Variants in OR51B5 observed in about 807,000 individuals in gnomAD.
OR51B5 encodes olfactory receptor family 51 subfamily B member 5.
For missense variants in OR51B5, 456 were observed against 374.6 expected, an observed-to-expected ratio of 1.22 and a Z score of -1.79; for synonymous variants, 186 against 144.8, an observed-to-expected ratio of 1.28 and a Z score of -2.04.
chr11:5,485,609 A>T (rs538881457), intron 1 of OR51B5, among the ~76,000 whole-genome samples: 2 of 152,036 alleles, frequency 1.3e-5, no homozygotes, highest in Admixed American at 6.6e-5. Context: ...TTGCACCCCC[A>T]CTTCTAGTCC....
chr11:5,435,218 A>T (rs1484375937), intron 1 of OR51B5, among the ~76,000 whole-genome samples: 1 of 152,156 alleles, frequency 6.6e-6, no homozygotes. Context: ...AGTGATGGGG[A>T]GTTTATCGCA....
intron 1 of OR51B5, among the ~76,000 whole-genome samples, chr11:5,399,071 A>G (rs1849927271): frequency 6.6e-6 from 1 of 152,222 alleles, no homozygotes; most frequent in African/African-American, 2.4e-5. Context: ...TGGCAGAAGG[A>G]GAGGAATCAC....
intron 1 of OR51B5, among the ~76,000 whole-genome samples, chr11:5,503,474 A>G (rs1846326734): frequency 6.6e-6 from 1 of 152,244 alleles, no homozygotes. Flanking sequence ...AAAAGGAAAG[A>G]CTGCCTATTG....
At chr11:5,409,792 A>G (rs1850116150) in intron 1 of OR51B5, among the ~76,000 whole-genome samples, 1 of 152,196 alleles carries the variant, frequency 6.6e-6, no homozygotes, top group Non-Finnish European at 1.5e-5. Context: ...AAACGCATCA[A>G]TCCATATATC....
At chr11:5,438,914 C>T (rs1227049525) in intron 1 of OR51B5, among the ~76,000 whole-genome samples, 3 of 152,162 alleles carry the variant, frequency 2.0e-5, no homozygotes, top group African/African-American at 4.8e-5. Flanking sequence ...CCAGATTAAA[C>T]ATATCCCATC....
At chr11:5,453,515 T>C in intron 1 of OR51B5, 2 of 1,574,450 alleles carry the variant, frequency 1.3e-6, no homozygotes, top group Non-Finnish European at 1.7e-6. Flanking sequence ...TCACTCACCC[T>C]GCATTCTTCC....
intron 1 of OR51B5, among the ~76,000 whole-genome samples, chr11:5,374,222 G>C (rs530189146): frequency 6.6e-6 from 1 of 152,236 alleles, no homozygotes; most frequent in South Asian, 2.1e-4. Context: ...AGGCAAACAG[G>C]GTCTGGAGTG....
intron 1 of OR51B5, among the ~76,000 whole-genome samples, chr11:5,356,141 G>T (rs11827244): frequency 0.38 from 56,615 of 150,768 alleles, 11,116 homozygotes; most frequent in Non-Finnish European, 0.4. Flanking sequence ...ACTTTGACAA[G>T]TTGAGAGAAG....
rs1337026794 is a variant in OR51B5 at position 5,363,352 on chromosome 11, G to GT, written n.85-16443_85-16442insA. On this transcript the variant is annotated intron_variant and non_coding_transcript_variant, in intron 1 of 4. Transcript: ENST00000415970. The stretch of plus-strand genomic sequence containing the variant: ...CAGTATTGGAATTACAGTTTTTTTT[G>GT]GTTTTTGTTTTTTTTTACTTCAAGC... Among the ~76,000 whole-genome samples the GT allele has an allele frequency of 9.9e-4, 97 of 98,380 alleles. 5 individuals carry two copies. Among genetic ancestry groups the GT allele is most frequent in the South Asian group, 7.5e-3 (22 of 2,942 alleles). The allele number at this position is 98,380 out of a possible 152,430, so 64.5% of individuals were successfully genotyped here. A position where few individuals can be genotyped will look rare whatever the true frequency, so the allele number is the denominator to read the frequency against.
intron 1 of OR51B5, among the ~76,000 whole-genome samples, chr11:5,432,679 A>G (rs1402852774): frequency 6.6e-6 from 1 of 152,212 alleles, no homozygotes; most frequent in Non-Finnish European, 1.5e-5. Context: ...TAAGCAAGAT[A>G]TTACATGGGA....
chr11:5,427,871 TTATGA>T (rs1273369163), intron 1 of OR51B5, among the ~76,000 whole-genome samples: 2 of 152,158 alleles, frequency 1.3e-5, no homozygotes, highest in Admixed American at 6.5e-5. Context: ...TTGCAAAGAA[TTATGA>T]TATGGTGAAT....
intron 1 of OR51B5, among the ~76,000 whole-genome samples, chr11:5,413,384 C>T (rs1241795169): frequency 6.6e-6 from 1 of 152,288 alleles, no homozygotes; most frequent in East Asian, 1.9e-4. Flanking sequence ...AGCACCTCTC[C>T]TCCTCCAAAG....
In OR51B5 at chr11:5,423,141, T is replaced by C. The variant is rs373638475; in HGVS notation, n.85-76231A>G. ...TTAAATTTCCTTTCCCTCAAAAATA[T>C]GCATTCAAGATGAGGGAATGCATTT... is the stretch of plus-strand genomic sequence containing the variant. On this transcript the variant is annotated intron_variant and non_coding_transcript_variant, in intron 1 of 4. Transcript: ENST00000415970. 33 of 1,595,170 alleles carry C rather than the reference T, an allele frequency of 2.1e-5. No homozygotes were observed. The African/African-American group carries it at 3.9e-4, about 19-fold the overall frequency.
Position 5,356,196 on chromosome 11 carries a change from C to CG in OR51B5, n.85-9287dup, listed in dbSNP as rs532689628. 2.4e-4 allele frequency among the ~76,000 whole-genome samples: 36 copies of CG among 152,182 alleles called. No individual in the cohort carries two copies. In the East Asian group the frequency reaches 6.2e-3, roughly 26 times the overall value. ...CTACTCCGAGCTAAAGGAGGAAGCT[C>CG]GAACCCATGGCAAAAAAGTTAAAAA... On this transcript the variant is annotated intron_variant and non_coding_transcript_variant, in intron 1 of 4. Coordinates refer to the OR51B5 transcript ENST00000415970.
chr11:5,468,912 A>G (rs1403795031), intron 1 of OR51B5: 2 of 362,434 alleles, frequency 5.5e-6, no homozygotes, highest in African/African-American at 2.1e-5. Context: ...CTGGCCTTAC[A>G]GAAAGGCAGT....
At chr11:5,488,984 G>T in intron 1 of OR51B5, 1 of 1,614,062 alleles carries the variant, frequency 6.2e-7, no homozygotes, top group Non-Finnish European at 8.5e-7. Context: ...CTCCATGCTG[G>T]TGAGATTTCC....
At chr11:5,439,979 C>T (rs919466946) in intron 1 of OR51B5, among the ~76,000 whole-genome samples, 1 of 152,154 alleles carries the variant, frequency 6.6e-6, no homozygotes, top group African/African-American at 2.4e-5. Flanking sequence ...CTAAGTGTTT[C>T]TTCTCAGGCA....
At chr11:5,399,204 T>A (rs901312057) in intron 1 of OR51B5, among the ~76,000 whole-genome samples, 9 of 152,242 alleles carry the variant, frequency 5.9e-5, no homozygotes, top group African/African-American at 2.2e-4. Context: ...CTGGTTTATA[T>A]GCTCATCTAT....
chr11:5,354,245 G>A (rs1337256103), intron 1 of OR51B5, among the ~76,000 whole-genome samples: 2 of 152,094 alleles, frequency 1.3e-5, no homozygotes, highest in Non-Finnish European at 2.9e-5. Context: ...TGGGCTTTTG[G>A]GAATGAATTC....
Sources: gnomAD v4.1 joint callset for allele counts (sites outside exome capture counted in the v4.1 genomes callset) on GRCh38, gnomAD v4.1.1 for gene constraint, MANE v1.5 for transcripts, NCBI Gene and HGNC (gene_info 2026-07-23, HGNC 2026-07-21) for gene names.